The following PCDHA1 variants were observed in gnomAD, a reference collection of about 807,000 sequenced individuals.
PCDHA1 encodes the protein protocadherin alpha 1.
In PCDHA1, 42 loss-of-function variants were observed where a neutral mutation model predicts 61.3. The ratio of observed to expected loss-of-function variants is 0.69; its 90% CI spans 0.54 to 0.89. The LOEUF is 0.89. PCDHA1 is among the 40% of genes least tolerant of loss of function. The probability of loss-of-function intolerance (pLI) is 0.00; values close to 1 mark genes in which losing one functional copy is unlikely to be tolerated. For missense variants in PCDHA1, 1,256 were observed against 1,235.3 expected (o/e 1.02, Z -0.25); for synonymous variants, 610 against 553.8 (o/e 1.10, Z -1.43).
chr5:140,893,432 C>T (rs1280374649), intron 1 of PCDHA1, among the ~76,000 whole-genome samples: 5 of 151,946 alleles, frequency 3.3e-5, no homozygotes, highest in Non-Finnish European at 7.4e-5. Flanking sequence ...GCAGGAAGAT[C>T]GCTTGAAGCC....
chr5:140,788,837 G>A (rs1761498549), intron 1 of PCDHA1, 153 bp downstream of exon 1: 1 of 1,397,508 alleles, frequency 7.2e-7, no homozygotes, highest in East Asian at 2.6e-5. Context: ...ATTAATGGCA[G>A]TTTTGTCTTG....
intron 1 of PCDHA1, among the ~76,000 whole-genome samples, chr5:140,794,265 C>G (rs1028133853): frequency 4.6e-5 from 7 of 152,322 alleles, no homozygotes; most frequent in Non-Finnish European, 1.0e-4. Flanking sequence ...AATGAATAAA[C>G]AAAACGTGGT....
chr5:140,980,275 C>G (rs1288435032), intron 2 of PCDHA1, among the ~76,000 whole-genome samples: 1 of 152,196 alleles, frequency 6.6e-6, no homozygotes. Flanking sequence ...AGTACCAACT[C>G]TTGAAAAGTA....
At chr5:140,856,210 G>C (rs556174610) in intron 1 of PCDHA1, 1 of 1,598,116 alleles carries the variant, frequency 6.3e-7, no homozygotes, top group African/African-American at 1.3e-5. Context: ...TGGGGCTGGA[G>C]CTGGCGGAGC....
At chr5:140,836,296 A>G (rs1294221854) in intron 1 of PCDHA1, 1 of 1,613,690 alleles carries the variant, frequency 6.2e-7, no homozygotes, top group Non-Finnish European at 8.5e-7. Flanking sequence ...CGAGCCCTAG[A>G]TGAGACGGAC....
chr5:140,798,047 T>G (rs1762291636), intron 1 of PCDHA1, among the ~76,000 whole-genome samples: 1 of 152,092 alleles, frequency 6.6e-6, no homozygotes. Flanking sequence ...TTATTTTTAG[T>G]AGAGACGGGG....
intron 1 of PCDHA1, among the ~76,000 whole-genome samples, chr5:140,949,990 C>T (rs2094438709): frequency 6.6e-6 from 1 of 151,832 alleles, no homozygotes; most frequent in Non-Finnish European, 1.5e-5. Context: ...TAACTTTTCT[C>T]AGTCCACTTA....
intron 1 of PCDHA1, among the ~76,000 whole-genome samples, chr5:140,912,002 A>G (rs1452427916): frequency 6.6e-6 from 1 of 152,236 alleles, no homozygotes; most frequent in Admixed American, 6.5e-5. Context: ...ACAATAGGCC[A>G]TCTGCAAGCT....
chr5:140,828,261 C>A lies in PCDHA1; in HGVS notation c.2394+39577C>A, dbSNP rs2150153228. 14 of 1,613,826 alleles carry A rather than the reference C, an allele frequency of 8.7e-6. No individual in the cohort carries two copies. In the African/African-American group the frequency reaches 1.5e-4, roughly 17 times the overall value. ...GCGCAGGACCTGGGGCTGGAGCTGGCGGAGCTGGTGCCGCGCCTGTTCAGG... is the reference window on the plus strand; with the variant it reads ...GCGCAGGACCTGGGGCTGGAGCTGGAGGAGCTGGTGCCGCGCCTGTTCAGG... On this transcript the variant is annotated intron_variant, in intron 1 of 3. Transcript: ENST00000504120.
intron 3 of PCDHA1, among the ~76,000 whole-genome samples, chr5:140,990,137 G>C (rs548002411): frequency 2.0e-4 from 31 of 152,224 alleles, no homozygotes; most frequent in African/African-American, 7.2e-4. Context: ...TCAGACTCAA[G>C]AGGCATAATA....
chr5:140,898,808 C>T (rs1318586303), intron 1 of PCDHA1, among the ~76,000 whole-genome samples: 2 of 152,188 alleles, frequency 1.3e-5, no homozygotes, highest in Non-Finnish European at 2.9e-5. Context: ...GATACTGATT[C>T]TTCCTACCCA....
intron 1 of PCDHA1, among the ~76,000 whole-genome samples, chr5:140,961,629 A>G (rs970820292): frequency 6.6e-6 from 1 of 152,162 alleles, no homozygotes; most frequent in Non-Finnish European, 1.5e-5. Flanking sequence ...CATATGAAAA[A>G]CAATCTTAAG....
chr5:140,822,808 A>C lies in PCDHA1; in HGVS notation c.2394+34124A>C, dbSNP rs1554128906. On this transcript the variant is annotated intron_variant, in intron 1 of 3. Transcript: ENST00000504120. The stretch of plus-strand genomic sequence containing the variant: ...AGTGAAACTCCTGGATGTGAATGAT[A>C]ATACCCCAGAGATGGCCATAACCAC... The C allele has an allele frequency of 4.3e-6, 7 of 1,614,072 alleles. No homozygotes were observed. The African/African-American group carries it at 9.3e-5, about 22-fold the overall frequency.
At chr5:140,907,712 T>A (rs1562961756) in intron 1 of PCDHA1, among the ~76,000 whole-genome samples, 1 of 152,198 alleles carries the variant, frequency 6.6e-6, no homozygotes, top group African/African-American at 2.4e-5. Context: ...GCTGAGCCCA[T>A]GTGTAACCTC....
At chr5:140,830,509 A>C (rs1039294822) in intron 1 of PCDHA1, 3 of 1,410,936 alleles carry the variant, frequency 2.1e-6, no homozygotes, top group Non-Finnish European at 2.8e-6. Context: ...CATAATTAAC[A>C]GTTAATTTTT....
chr5:140,870,555 G>A (rs1554164406), intron 1 of PCDHA1: 1 of 1,613,926 alleles, frequency 6.2e-7, no homozygotes, highest in Non-Finnish European at 8.5e-7. Context: ...CGGACGCGCA[G>A]GAGAACGCGC....
chr5:140,843,626 C>T, intron 1 of PCDHA1: 1 of 1,596,058 alleles, frequency 6.3e-7, no homozygotes, highest in East Asian at 2.2e-5. Context: ...GAAGACGGAC[C>T]TCATGGCCTT....
intron 1 of PCDHA1, chr5:140,823,568 C>G: frequency 6.2e-7 from 1 of 1,613,952 alleles, no homozygotes; most frequent in South Asian, 1.1e-5. Flanking sequence ...GCAGTGGACC[C>G]TGATTCGGGC....
rs530482397 is a variant in PCDHA1, at chr5:140,923,460, T to C, written c.2395-55489T>C. ...GGAGGATCACCTGAGCCCAGAGAGG[T>C]AGGGGCTGCAGTGAGCCATCTTCAC... On this transcript the variant is annotated intron_variant, in intron 1 of 3. Coordinates refer to ENST00000504120, the MANE Select transcript of PCDHA1 (RefSeq NM_018900.4). Among the ~76,000 whole-genome samples, 704 of 151,994 alleles carry C rather than the reference T, an allele frequency of 4.6e-3. 3 individuals carry two copies. Among genetic ancestry groups the C allele is most frequent in the African/African-American group, 0.016 (681 of 41,446 alleles).
Sources: gnomAD v4.1 joint callset for allele counts (sites outside exome capture counted in the v4.1 genomes callset) on GRCh38, gnomAD v4.1.1 for gene constraint, MANE v1.5 for transcripts, NCBI Gene and HGNC (gene_info 2026-07-23, HGNC 2026-07-21) for gene names.